CENPK: variants seen among roughly 807,000 people sequenced by gnomAD.
The protein encoded by CENPK is centromere protein K, also known as SoxLZ/Sox6-binding protein Solt.
A neutral mutation model predicts 40.9 loss-of-function variants in CENPK; 46 were observed. That is an observed-to-expected ratio of 1.13 (90% CI 0.89 to 1.44). The LOEUF (loss-of-function observed/expected upper bound fraction) is 1.44. Ranked by LOEUF, CENPK falls within the 40% of genes most tolerant of loss-of-function variation. CENPK has a pLI of 0.00. For missense variants in CENPK, 288 were observed against 303.5 expected (o/e 0.95, Z 0.38); for synonymous variants, 107 against 104.4 (o/e 1.02, Z -0.15).
At chr5:65,561,608 ACAC>A in intron 1 of CENPK, 44 bp from the exon 2 acceptor site, 1 of 420,180 alleles carries the variant, frequency 2.4e-6, no homozygotes, top group Non-Finnish European at 4.8e-6. Flanking sequence ...ACACACACAC[ACAC>A]ACACACACTT....
In CENPK at chr5:65,518,037, T is replaced by C. The variant is rs539417576; in HGVS notation, c.*438A>G. On this transcript the variant is annotated 3_prime_UTR_variant, in exon 11 of 11. Coordinates refer to ENST00000396679, the MANE Select transcript of CENPK (RefSeq NM_022145.5). ...TTTTTAAATTATGCCACCTCAGATATTACCTCAATTTTAAAACCATCTGTA... is the reference window on the plus strand; with the variant it reads ...TTTTTAAATTATGCCACCTCAGATACTACCTCAATTTTAAAACCATCTGTA... 6.6e-6 allele frequency: 1 copy of C among 152,432 alleles called. No individual in the cohort carries two copies. Among genetic ancestry groups the C allele is most frequent in the Non-Finnish European group, 1.5e-5 (1 of 68,122 alleles). 9.4% of individuals were successfully genotyped at this position (152,432 alleles called of 1,614,324 possible).
chr5:65,555,674 C>T (rs542291410), intron 2 of CENPK, among the ~76,000 whole-genome samples: 2 of 152,288 alleles, frequency 1.3e-5, no homozygotes, highest in South Asian at 4.1e-4. Flanking sequence ...CACAGAATGT[C>T]CCATTCTGGA....
downstream of CENPK, among the ~76,000 whole-genome samples, chr5:65,516,078 T>C (rs1446623973): frequency 6.6e-6 from 1 of 152,164 alleles, no homozygotes. Flanking sequence ...CCACCTAACC[T>C]TAATATCTTC....
At chr5:65,531,191 T>C (rs1745742346) in intron 6 of CENPK, among the ~76,000 whole-genome samples, 1 of 140,266 alleles carries the variant, frequency 7.1e-6, no homozygotes, top group Non-Finnish European at 1.6e-5. Context: ...TATAAATCAA[T>C]AACATAGCTT....
the CENPK span, among the ~76,000 whole-genome samples, chr5:65,506,890 A>G: frequency 0.19 from 29,092 of 152,182 alleles, 3,428 homozygotes; most frequent in South Asian, 0.32. Flanking sequence ...TTTTATCAAG[A>G]CTAAATAAAT....
chr5:65,541,639 CTA>C (rs1037215662), intron 6 of CENPK, among the ~76,000 whole-genome samples: 25 of 152,218 alleles, frequency 1.6e-4, no homozygotes, highest in African/African-American at 6.0e-4. Context: ...CTTTTCAGGA[CTA>C]TTCTGGTATT....
the CENPK span, among the ~76,000 whole-genome samples, chr5:65,501,258 C>T: frequency 6.3e-5 from 9 of 142,784 alleles, no homozygotes; most frequent in Admixed American, 6.5e-4. Context: ...CGCTCACTGC[C>T]ACATCCACCT....
chr5:65,556,921 A>G (rs1214131111), intron 2 of CENPK, among the ~76,000 whole-genome samples: 1 of 152,274 alleles, frequency 6.6e-6, no homozygotes, highest in Non-Finnish European at 1.5e-5. Flanking sequence ...GTAGTAGGTT[A>G]TACCATCTAG....
At chr5:65,542,988 G>A in intron 5 of CENPK, 140 bp from the exon 6 acceptor site, 1 of 656,056 alleles carries the variant, frequency 1.5e-6, no homozygotes, top group East Asian at 3.0e-5. Flanking sequence ...CTCCAAGGCA[G>A]AGTTTCCCTC....
At chr5:65,519,772 A>G (rs1743383163) in intron 10 of CENPK, among the ~76,000 whole-genome samples, 1 of 152,208 alleles carries the variant, frequency 6.6e-6, no homozygotes, top group African/African-American at 2.4e-5. Flanking sequence ...GCAGGAAAAA[A>G]GCTTTGGCCT....
chr5:65,533,861 TG>T (rs1428037564), intron 6 of CENPK, among the ~76,000 whole-genome samples: 3 of 151,494 alleles, frequency 2.0e-5, no homozygotes, highest in Non-Finnish European at 4.4e-5. Flanking sequence ...GCTAAAATGG[TG>T]AAACCCCATC....
chr5:65,500,524 T>G, the CENPK span, among the ~76,000 whole-genome samples: 2 of 151,982 alleles, frequency 1.3e-5, no homozygotes, highest in Non-Finnish European at 2.9e-5. Context: ...TTGTTTGTTT[T>G]TTTCTTGTAA....
At chr5:65,515,289 C>T (rs935559253), downstream of CENPK, among the ~76,000 whole-genome samples, 4 of 149,514 alleles carry the variant, frequency 2.7e-5, no homozygotes, top group South Asian at 4.2e-4. Context: ...CTGCAAGCTC[C>T]GCCTCCCGGG....
chr5:65,559,301 T>G (rs559475225), intron 2 of CENPK, among the ~76,000 whole-genome samples: 7 of 152,314 alleles, frequency 4.6e-5, no homozygotes, highest in African/African-American at 1.7e-4. Flanking sequence ...AAGTTTTTGT[T>G]TCTCTTTATG....
intron 9 of CENPK, among the ~76,000 whole-genome samples, chr5:65,527,139 G>T (rs1744849586): frequency 2.0e-5 from 3 of 151,800 alleles, no homozygotes; most frequent in African/African-American, 2.4e-5. Flanking sequence ...ATCAATAAAA[G>T]AACACCTAAA....
At chr5:65,535,656 TG>T (rs750001732) in intron 6 of CENPK, among the ~76,000 whole-genome samples, 8 of 152,186 alleles carry the variant, frequency 5.3e-5, no homozygotes, top group Non-Finnish European at 7.3e-5. Context: ...ACAACTCTAC[TG>T]GGAAAGAACT....
chr5:65,526,868 G>A (rs777994165), intron 9 of CENPK, among the ~76,000 whole-genome samples: 8 of 152,214 alleles, frequency 5.3e-5, no homozygotes, highest in South Asian at 2.1e-4. Flanking sequence ...TGAGGTGGGC[G>A]GATCAACTGA....
At chr5:65,499,489 T>A in the CENPK span, among the ~76,000 whole-genome samples, 1 of 151,792 alleles carries the variant, frequency 6.6e-6, no homozygotes, top group South Asian at 2.1e-4. Flanking sequence ...TGTGTCTTGG[T>A]GTAGACTTCT....
At chr5:65,529,239 TC>T (rs1368079841) in intron 6 of CENPK, 40 bp from the exon 7 acceptor site, 1 of 1,342,742 alleles carries the variant, frequency 7.4e-7, no homozygotes, top group Non-Finnish European at 1.1e-6. Flanking sequence ...TGGTCTTTAA[TC>T]CCAGTTTTAT....
Sources: allele counts gnomAD v4.1 joint callset (sites outside exome capture counted in the v4.1 genomes callset), GRCh38; gene constraint gnomAD v4.1.1; transcripts MANE v1.5; gene names NCBI Gene and HGNC (gene_info 2026-07-23, HGNC 2026-07-21).